AHCYL2: variants seen among roughly 807,000 people sequenced by gnomAD.
The protein encoded by AHCYL2 is S-adenosylhomocysteine hydrolase-like protein 2.
Under a neutral mutation model 81.4 loss-of-function variants are expected in AHCYL2, and 28 were observed. That is an observed-to-expected ratio of 0.34 (90% CI 0.25 to 0.47). The LOEUF (loss-of-function observed/expected upper bound fraction) is 0.47, where lower values mean the gene tolerates loss of function less well. Ranked by LOEUF, AHCYL2 falls within the 20% of genes least tolerant of loss-of-function variation. The probability of loss-of-function intolerance (pLI) is 1.00; values close to 1 mark genes in which losing one functional copy is unlikely to be tolerated. For synonymous variants in AHCYL2, 272 were observed against 290.2 expected, an observed-to-expected ratio of 0.94 and a Z score of 0.64; for missense variants, 551 against 785.1, an observed-to-expected ratio of 0.70 and a Z score of 3.56.
rs1011779210 is a variant in AHCYL2, at chr7:129,427,353, G to A, written c.*308G>A. Reference sequence around the variant, plus strand: ...ATTGACTGAATCCTCAGCAGTGGCCGTTTTTCCTCTTGTCCAGGCTCACGA... The same window carrying A: ...ATTGACTGAATCCTCAGCAGTGGCCATTTTTCCTCTTGTCCAGGCTCACGA... On this transcript the variant is annotated 3_prime_UTR_variant, in exon 17 of 17. Transcript: ENST00000325006. The surrounding 1 kb of genome is among the most constrained non-coding windows in gnomAD (Gnocchi z 5.5). The A allele has an allele frequency of 1.9e-5, 5 of 263,974 alleles. No individual in the cohort carries two copies. The highest frequency in any genetic ancestry group is 5.4e-5 in the Admixed American group (1 of 18,660). The allele number at this position is 263,974 out of a possible 1,614,324, so 16.4% of individuals were successfully genotyped here.
At chr7:129,351,734 C>T (rs1471921736) in intron 1 of AHCYL2, 1 of 152,184 alleles carries the variant, frequency 6.6e-6, no homozygotes, top group Non-Finnish European at 1.5e-5. Flanking sequence ...GGTCTCGCAG[C>T]ACCTCTTAAA....
Position 129,406,938 on chromosome 7 carries a change from T to C in AHCYL2, c.1295+472T>C, listed in dbSNP as rs1178635357. Among the ~76,000 whole-genome samples the C allele has an allele frequency of 6.6e-6, 1 of 152,212 alleles. No individual in the cohort carries two copies. The highest frequency in any genetic ancestry group is 1.5e-5 in the Non-Finnish European group (1 of 68,038). ...AAGCATATATGAGAATTATTTACAC[T>C]AGTATTATAATTCTTAAGTTTGAAA... On this transcript the variant is annotated intron_variant, in intron 10 of 16. Transcript: ENST00000325006. The surrounding 1 kb of genome is among the most constrained non-coding windows in gnomAD (Gnocchi z 4.3).
At chr7:129,306,113 T>G (rs1052626747) in intron 1 of AHCYL2, among the ~76,000 whole-genome samples, 2 of 152,238 alleles carry the variant, frequency 1.3e-5, no homozygotes, top group Non-Finnish European at 2.9e-5. Context: ...AACCTTCTTG[T>G]ACTTGAATAC....
chr7:129,348,125 T>C (rs1054975742), intron 1 of AHCYL2, among the ~76,000 whole-genome samples: 5 of 152,204 alleles, frequency 3.3e-5, no homozygotes, highest in African/African-American at 1.2e-4. Context: ...ATGCATTACA[T>C]TCACATGTAG....
Position 129,225,321 on chromosome 7 carries a change from A to G in AHCYL2, c.245A>G (p.Gln82Arg). The change falls in exon 1 of 17, where the codon CAG becomes CGG. Residue 82 changes from glutamine to arginine, a missense_variant. By Grantham distance (43) the Gln-to-Arg change is conservative. Coordinates refer to ENST00000325006, the MANE Select transcript of AHCYL2 (RefSeq NM_015328.4). ...ALSPAAGKVP[Q>R]ASAMKRSDPH... is the part of the protein sequence containing the mutation. ...AGCCCCGCCGCCGGGAAGGTGCCTC[A>G]GGCGTCGGCCATGAAGCGGAGCGAC... The G allele has an allele frequency of 6.7e-7, 1 of 1,489,476 alleles. No homozygotes were observed. Among genetic ancestry groups the G allele is most frequent in the Non-Finnish European group, 8.9e-7 (1 of 1,128,064 alleles). 92.3% of individuals were successfully genotyped at this position (1,489,476 alleles called of 1,614,324 possible).
At chr7:129,269,839 A>G (rs567830504) in intron 1 of AHCYL2, among the ~76,000 whole-genome samples, 1 of 152,366 alleles carries the variant, frequency 6.6e-6, no homozygotes, top group South Asian at 2.1e-4. Flanking sequence ...CACTAAATGC[A>G]TAATATATGT....
At chr7:129,238,448 G>GT (rs1794715548) in intron 1 of AHCYL2, among the ~76,000 whole-genome samples, 1 of 152,046 alleles carries the variant, frequency 6.6e-6, no homozygotes, top group Non-Finnish European at 1.5e-5. Flanking sequence ...TGCAAAAACC[G>GT]TTTATTTGTT....
intron 1 of AHCYL2, among the ~76,000 whole-genome samples, chr7:129,369,043 C>A (rs572779077): frequency 6.6e-6 from 1 of 152,174 alleles, no homozygotes; most frequent in African/African-American, 2.4e-5. Context: ...CTATTTCCCC[C>A]CCAGCTATCC....
At chr7:129,403,902 C>CCACA (rs1324321731) in intron 7 of AHCYL2, among the ~76,000 whole-genome samples, 2,111 of 137,228 alleles carry the variant, frequency 0.015, 40 homozygotes, top group Admixed American at 0.034. Context: ...TTGGAGCCTG[C>CCACA]TATGAGGTAA....
chr7:129,418,138 AG>A (rs141571790), intron 12 of AHCYL2, among the ~76,000 whole-genome samples: 257 of 152,208 alleles, frequency 1.7e-3, no homozygotes, highest in African/African-American at 6.0e-3. Context: ...ACATTGGGCA[AG>A]GGGGTGAGGA....
At chr7:129,299,391 TTTTTTTTTTTTTTTTTTTTTG>T in intron 1 of AHCYL2, among the ~76,000 whole-genome samples, 2 of 93,334 alleles carry the variant, frequency 2.1e-5, no homozygotes, top group Non-Finnish European at 4.3e-5. Flanking sequence ...TTTTTTTTTT[TTTTTTTTTTTTTTTTTTTTTG>T]AGATGGAGTC....
chr7:129,349,522 C>G (rs1793479839), intron 1 of AHCYL2, among the ~76,000 whole-genome samples: 1 of 149,594 alleles, frequency 6.7e-6, no homozygotes. Context: ...GTGGCACATG[C>G]CTGTAATCCC....
chr7:129,324,337 G>T (rs907275981), intron 1 of AHCYL2, among the ~76,000 whole-genome samples: 1 of 151,980 alleles, frequency 6.6e-6, no homozygotes, highest in East Asian at 1.9e-4. Context: ...CTTTTAATTG[G>T]GATGTTTAGA....
At chr7:129,336,944 A>G (rs1167075790) in intron 1 of AHCYL2, among the ~76,000 whole-genome samples, 1 of 152,078 alleles carries the variant, frequency 6.6e-6, no homozygotes, top group Non-Finnish European at 1.5e-5. Flanking sequence ...CGGGTGTCTC[A>G]TCATGTTGCC....
At chr7:129,276,880 A>G (rs966069379) in intron 1 of AHCYL2, among the ~76,000 whole-genome samples, 10 of 152,310 alleles carry the variant, frequency 6.6e-5, no homozygotes, top group African/African-American at 2.4e-4. Context: ...AGATACCACT[A>G]AGATTGAACA....
At chr7:129,292,623 T>C (rs544825012) in intron 1 of AHCYL2, among the ~76,000 whole-genome samples, 2 of 152,074 alleles carry the variant, frequency 1.3e-5, no homozygotes, top group South Asian at 4.2e-4. Flanking sequence ...AAAAATTACC[T>C]GGGCATGGTG....
chr7:129,365,394 C>T (rs1435308181), intron 1 of AHCYL2, among the ~76,000 whole-genome samples: 1 of 151,986 alleles, frequency 6.6e-6, no homozygotes, highest in East Asian at 1.9e-4. Flanking sequence ...TTAATTAACT[C>T]CTTAGAGTAT....
Position 129,406,566 on chromosome 7 carries a change from A to T in AHCYL2, c.1295+100A>T. On this transcript the variant is annotated intron_variant, in intron 10 of 16. Coordinates refer to ENST00000325006, the MANE Select transcript of AHCYL2 (RefSeq NM_015328.4). This position sits in a 1 kb window ranked among gnomAD's most constrained non-coding sequence, Gnocchi z 4.3. ...TTATTTTAGAGGAGCCCAGATCCTCAGAGATGCTGCCACTAACTCTAAGCA... is the reference window on the plus strand; with the variant it reads ...TTATTTTAGAGGAGCCCAGATCCTCTGAGATGCTGCCACTAACTCTAAGCA... 5.4e-6 allele frequency: 6 copies of T among 1,110,288 alleles called. No individual in the cohort carries two copies. Among genetic ancestry groups the T allele is most frequent in the East Asian group, 2.4e-5 (1 of 42,386 alleles). The allele number at this position is 1,110,288 out of a possible 1,614,324, so 68.8% of individuals were successfully genotyped here.
At chr7:129,315,351 C>G (rs1055761688) in intron 1 of AHCYL2, among the ~76,000 whole-genome samples, 4 of 152,156 alleles carry the variant, frequency 2.6e-5, no homozygotes, top group African/African-American at 9.7e-5. Context: ...TCCTAATCCC[C>G]TACTGTCCTG....
Sources: gnomAD v4.1 joint callset for allele counts (sites outside exome capture counted in the v4.1 genomes callset) on GRCh38, gnomAD v4.1.1 for gene constraint, Gnocchi (gnomAD v3.1) non-coding constraint, MANE v1.5 for transcripts, NCBI Gene and HGNC (gene_info 2026-07-23, HGNC 2026-07-21) for gene names.